RNF25: variants seen among roughly 807,000 people sequenced by gnomAD.
RNF25 encodes the protein E3 ubiquitin-protein ligase RNF25.
RNF25 carries 32 observed loss-of-function variants against 65.0 expected under a neutral mutation model. The observed-to-expected ratio is 0.49, with a 90% CI of 0.37 to 0.66. The LOEUF (loss-of-function observed/expected upper bound fraction) is 0.66, where lower values mean the gene tolerates loss of function less well. Ranked by LOEUF, RNF25 falls within the 30% of genes least tolerant of loss-of-function variation. RNF25 has a pLI of 0.00. For synonymous variants in RNF25, 207 were observed against 221.2 expected, an observed-to-expected ratio of 0.94 and a Z score of 0.57; for missense variants, 493 against 584.8, an observed-to-expected ratio of 0.84 and a Z score of 1.62.
At position 218,664,937 on chromosome 2, in the gene RNF25, C is replaced by T; in HGVS notation, c.667-64G>A. On this transcript the variant is annotated intron_variant, in intron 8 of 9. Transcript: ENST00000295704. This position sits in a 1 kb window ranked among gnomAD's most constrained non-coding sequence, Gnocchi z 5.1. ...AGAAGGCTGACTCAAACCTCTACTC[C>T]TCCCAGGCTGCCTCAGGAGATCTGC... 1 of 1,598,314 alleles carries T rather than the reference C, an allele frequency of 6.3e-7. No individual in the cohort carries two copies. The highest frequency in any genetic ancestry group is 8.5e-7 in the Non-Finnish European group (1 of 1,171,748).
At chr2:218,670,393 G>C (rs1410147234) in intron 1 of RNF25, among the ~76,000 whole-genome samples, 2 of 150,356 alleles carry the variant, frequency 1.3e-5, no homozygotes, top group African/African-American at 4.9e-5. Context: ...GTAAGGTGGT[G>C]ACAACAAAAT....
At position 218,664,866 on chromosome 2, in the gene RNF25, T is replaced by C; in HGVS notation, c.674A>G (p.Tyr225Cys). Residue 225 changes from tyrosine (Y) to cysteine (C), a missense_variant, in exon 9 of 10, where the codon TAC (tyrosine) becomes TGC (cysteine). Transcript: ENST00000295704. This position sits in a 1 kb window ranked among gnomAD's most constrained non-coding sequence, Gnocchi z 5.1. The stretch of plus-strand genomic sequence containing the variant: ...GCGCAAGCTCTCTGCACTGGGCTGG[T>C]ACAGCTCCTGGAAGGAAGAATGGCA... ...APEPQQPMEL[Y>C]QPSAESLRQQ... The C allele has an allele frequency of 6.2e-7, 1 of 1,614,150 alleles. No individual in the cohort carries two copies. The highest frequency in any genetic ancestry group is 8.5e-7 in the Non-Finnish European group (1 of 1,180,034).
intron 1 of RNF25, among the ~76,000 whole-genome samples, chr2:218,669,201 G>A (rs1391549504): frequency 6.6e-6 from 1 of 152,200 alleles, no homozygotes; most frequent in Non-Finnish European, 1.5e-5. Flanking sequence ...ATTTAGGGTG[G>A]TATAAAGGCT....
intron 1 of RNF25, among the ~76,000 whole-genome samples, chr2:218,671,660 G>A (rs1040919956): frequency 6.6e-6 from 1 of 152,204 alleles, no homozygotes; most frequent in African/African-American, 2.4e-5. Context: ...GAGAGAAAGG[G>A]ATGGCGTGAA....
At chr2:218,668,740 G>C (rs1258285041) in intron 1 of RNF25, 61 bp from the exon 2 acceptor site, 2 of 1,146,376 alleles carry the variant, frequency 1.7e-6, no homozygotes, top group Non-Finnish European at 2.6e-6. Context: ...GCCTGCTAAG[G>C]CCAATAAAGG....
At chr2:218,668,503 T>C (rs1052511702) in intron 2 of RNF25, 102 bp downstream of exon 2, 49 of 1,013,992 alleles carry the variant, frequency 4.8e-5, no homozygotes, top group Middle Eastern at 2.1e-4. Flanking sequence ...AGAGAAATAT[T>C]ATCTCTGAAT....
chr2:218,671,976 C>T lies in RNF25; in HGVS notation c.-6G>A, dbSNP rs775498990. ...GCAGACGCAGACGCCGCCATATCTTCACCGGCCCGCAGCCGGAACCGGAAA... is the reference window on the plus strand; with the variant it reads ...GCAGACGCAGACGCCGCCATATCTTTACCGGCCCGCAGCCGGAACCGGAAA... On this transcript the variant is annotated 5_prime_UTR_variant, in exon 1 of 10. Coordinates refer to ENST00000295704, the MANE Select transcript of RNF25 (RefSeq NM_022453.3). 5.0e-6 allele frequency: 8 copies of T among 1,614,230 alleles called. No homozygotes were observed. In the Admixed American group the frequency reaches 8.3e-5, roughly 17 times the overall value.
intron 5 of RNF25, 32 bp from the exon 6 acceptor site, chr2:218,666,262 T>G: frequency 1.9e-6 from 3 of 1,578,616 alleles, no homozygotes; most frequent in Non-Finnish European, 2.6e-6. Flanking sequence ...TAAACGGGGG[T>G]AGGGGGAAGA....
chr2:218,670,480 A>T (rs1939927113), intron 1 of RNF25, among the ~76,000 whole-genome samples: 2 of 151,364 alleles, frequency 1.3e-5, no homozygotes, highest in African/African-American at 4.9e-5. Flanking sequence ...TGGATCATGA[A>T]GTCAGGAGAT....
At chr2:218,669,400 T>C (rs987064587) in intron 1 of RNF25, among the ~76,000 whole-genome samples, 5 of 152,238 alleles carry the variant, frequency 3.3e-5, no homozygotes, top group African/African-American at 1.2e-4. Context: ...AAGTACCTAA[T>C]AGTATCTGGG....
chr2:218,668,322 A>C lies in RNF25; in HGVS notation c.136T>G (p.Tyr46Asp). 1 of 1,609,730 alleles carries C rather than the reference A, an allele frequency of 6.2e-7. No individual in the cohort carries two copies. Among genetic ancestry groups the C allele is most frequent in the Non-Finnish European group, 8.5e-7 (1 of 1,177,706 alleles). The change falls in exon 3 of 10, where the codon TAC (tyrosine) becomes GAC (aspartate). Residue 46 changes from tyrosine to aspartate, a missense_variant. Transcript: ENST00000295704. ...GNGRTSPWEI[Y>D]ITLHPATAED... The stretch of plus-strand genomic sequence containing the variant: ...GCAGTGGCAGGATGCAAAGTGATGT[A>C]GATCTCCCATGGTGAAGTTCTGCAG...
intron 5 of RNF25, among the ~76,000 whole-genome samples, chr2:218,667,007 A>G (rs1428972264): frequency 1.3e-5 from 2 of 152,118 alleles, no homozygotes; most frequent in East Asian, 3.9e-4. Flanking sequence ...CATCTCTACT[A>G]AAAATATAAA....
chr2:218,664,060 C>G lies in RNF25; in HGVS notation c.1277G>C (p.Arg426Pro), dbSNP rs570040263. 1.3e-5 allele frequency: 20 copies of G among 1,504,922 alleles called. No individual in the cohort carries two copies. In the African/African-American group the frequency reaches 2.4e-4, roughly 18 times the overall value. 93.2% of individuals were successfully genotyped at this position (1,504,922 alleles called of 1,614,324 possible). The change falls in exon 10 of 10, where the codon CGG (arginine) becomes CCG (proline). Residue 426 changes from arginine to proline, a missense_variant. Physicochemically the swap from Arg to Pro is moderately radical, Grantham distance 103 (BLOSUM62 -2). Transcript: ENST00000295704. The surrounding 1 kb of genome is among the most constrained non-coding windows in gnomAD (Gnocchi z 5.1). Reference sequence around the variant, plus strand: ...GCGAGGGTAGGAAGAACCGGGTGTCCGGCCTTTAGAGCGCTCCCAGCGAAC... The same window carrying G: ...GCGAGGGTAGGAAGAACCGGGTGTCGGGCCTTTAGAGCGCTCCCAGCGAAC... ...DCVRWERSKG[R>P]TPGSSYPRLP...
intron 1 of RNF25, among the ~76,000 whole-genome samples, chr2:218,671,276 T>TTA (rs1939960645): frequency 6.6e-6 from 1 of 152,182 alleles, no homozygotes; most frequent in Non-Finnish European, 1.5e-5. Context: ...CTTTTTTTTT[T>TTA]TACAGCTGAG....
In RNF25 at chr2:218,665,247, T is replaced by C; in HGVS notation, c.574A>G (p.Lys192Glu). 2 of 1,612,068 alleles carry C rather than the reference T, an allele frequency of 1.2e-6. No homozygotes were observed. The highest frequency in any genetic ancestry group is 1.7e-6 in the Non-Finnish European group (2 of 1,179,150). ...ACTGGACACTGCACACCGACTGCCT[T>C]CTAAAAAAGAGAAAAATCATATGCC... ...QERQHATTKQ[K>E]AVGVQCPVCR... Residue 192 changes from lysine (K) to glutamate (E), a missense_variant and splice_region_variant, in exon 8 of 10, where the codon AAG becomes GAG. Physicochemically the swap from Lys to Glu is moderately conservative, Grantham distance 56. Coordinates refer to ENST00000295704, the MANE Select transcript of RNF25 (RefSeq NM_022453.3).
At chr2:218,668,763 A>G (rs1225712363) in intron 1 of RNF25, 84 bp from the exon 2 acceptor site, 2 of 928,662 alleles carry the variant, frequency 2.2e-6, no homozygotes, top group Non-Finnish European at 3.5e-6. Context: ...GGCTTTGTAG[A>G]AAAATGGCAA....
chr2:218,664,342 G>C lies in RNF25; in HGVS notation c.995C>G (p.Thr332Ser), dbSNP rs1939768456. 1 of 1,614,080 alleles carries C rather than the reference G, an allele frequency of 6.2e-7. No individual in the cohort carries two copies. Among genetic ancestry groups the C allele is most frequent in the South Asian group, 1.1e-5 (1 of 91,086 alleles). Residue 332 changes from threonine to serine, a missense_variant, in exon 10 of 10, where the codon ACC (threonine) becomes AGC (serine). Physicochemically the swap from Thr to Ser is moderately conservative, Grantham distance 58. Transcript: ENST00000295704. This position sits in a 1 kb window ranked among gnomAD's most constrained non-coding sequence, Gnocchi z 5.1. The stretch of plus-strand genomic sequence containing the variant: ...GGGGGGATCTAGCATAGCTTTCTGG[G>C]TTTCGCCCAACCTTTGCTGATTTGA... ...TRSNQQRLGE[T>S]QKAMLDPPKP...
Position 218,668,672 on chromosome 2 carries a change from G to C in RNF25, c.49C>G (p.Pro17Ala). The change falls in exon 2 of 10, where the codon CCC (proline) becomes GCC (alanine). Residue 17 changes from proline to alanine, a missense_variant. Pro to Ala is a conservative substitution (Grantham distance 27). Coordinates refer to ENST00000295704, the MANE Select transcript of RNF25 (RefSeq NM_022453.3). ...AAAGEEDWVL[P>A]SEVEVLESIY... ...GACTCCAATACTTCAACTTCAGAGG[G>C]AAGGACCCTAGAGAGACAGGAGTAG... 1 of 1,608,126 alleles carries C rather than the reference G, an allele frequency of 6.2e-7. No individual in the cohort carries two copies. Among genetic ancestry groups the C allele is most frequent in the Middle Eastern group, 1.7e-4 (1 of 6,056 alleles).
chr2:218,668,052 T>C, intron 4 of RNF25, 27 bp downstream of exon 4: 1 of 1,613,396 alleles, frequency 6.2e-7, no homozygotes, highest in South Asian at 1.1e-5. Flanking sequence ...TAGCTGAGTT[T>C]TCCCTGTTCT....
Sources: allele counts gnomAD v4.1 joint callset (sites outside exome capture counted in the v4.1 genomes callset), GRCh38; gene constraint gnomAD v4.1.1; non-coding constraint Gnocchi (gnomAD v3.1); transcripts MANE v1.5; gene names NCBI Gene and HGNC (gene_info 2026-07-23, HGNC 2026-07-21).